ATP1A4: variants seen among roughly 807,000 people sequenced by gnomAD.
ATP1A4 encodes ATPase Na+/K+ transporting subunit alpha 4.
In ATP1A4, 90 loss-of-function variants were observed where a neutral mutation model predicts 114.3. The ratio of observed to expected loss-of-function variants is 0.79; its 90% CI spans 0.66 to 0.94. The LOEUF (loss-of-function observed/expected upper bound fraction) is 0.94. Ranked by LOEUF, ATP1A4 falls within the 40% of genes least tolerant of loss-of-function variation. ATP1A4 has a pLI of 0.00. For missense variants in ATP1A4, 1,222 were observed against 1,313.6 expected (o/e 0.93, Z 1.08); for synonymous variants, 511 against 494.1 (o/e 1.03, Z -0.45).
intron 17 of ATP1A4, 98 bp downstream of exon 17, chr1:160,176,700 T>A (rs1653478673): frequency 6.6e-7 from 1 of 1,520,638 alleles, no homozygotes; most frequent in Non-Finnish European, 8.9e-7. Context: ...AGATATTTTC[T>A]CAGCAACAAA....
intron 3 of ATP1A4, 87 bp from the exon 4 acceptor site, chr1:160,155,958 A>T (rs1367102888): frequency 1.3e-6 from 1 of 797,840 alleles, no homozygotes; most frequent in East Asian, 2.5e-5. Flanking sequence ...ACCTGGTGAA[A>T]CTGCTGTGCC....
chr1:160,172,699 G>A (rs1558024098), intron 12 of ATP1A4, among the ~76,000 whole-genome samples: 1 of 152,110 alleles, frequency 6.6e-6, no homozygotes, highest in Non-Finnish European at 1.5e-5. Flanking sequence ...CTAGACTTGG[G>A]GGATTGGAGG....
At chr1:160,153,886 G>C (rs1652544333) in intron 2 of ATP1A4, among the ~76,000 whole-genome samples, 1 of 152,148 alleles carries the variant, frequency 6.6e-6, no homozygotes, top group Non-Finnish European at 1.5e-5. Context: ...AATTGACCTT[G>C]TGGACCCCCT....
At chr1:160,167,523 C>T in intron 10 of ATP1A4, 111 bp downstream of exon 10, 1 of 1,409,958 alleles carries the variant, frequency 7.1e-7, no homozygotes, top group South Asian at 1.3e-5. Flanking sequence ...CAGAGGAGCT[C>T]AGCAGAACCT....
At chr1:160,179,927 T>A (rs1653619696) in intron 18 of ATP1A4, among the ~76,000 whole-genome samples, 1 of 152,158 alleles carries the variant, frequency 6.6e-6, no homozygotes, top group Non-Finnish European at 1.5e-5. Flanking sequence ...GAGAGAAAGA[T>A]GCTTGAAATT....
At chr1:160,177,336 A>C in intron 17 of ATP1A4, 183 bp from the exon 18 acceptor site, 2 of 557,690 alleles carry the variant, frequency 3.6e-6, no homozygotes, top group Non-Finnish European at 6.2e-6. Flanking sequence ...GCTTGAAGGA[A>C]AGTCCCACAG....
chr1:160,179,403 T>TA (rs1354230394), intron 18 of ATP1A4, among the ~76,000 whole-genome samples: 1 of 152,186 alleles, frequency 6.6e-6, no homozygotes, highest in Non-Finnish European at 1.5e-5. Flanking sequence ...TAAAGGTAAT[T>TA]AAAAGTAATT....
At chr1:160,186,540 C>A in intron 21 of ATP1A4, 131 bp from the exon 22 acceptor site, 1 of 1,155,074 alleles carries the variant, frequency 8.7e-7, no homozygotes, top group Non-Finnish European at 1.3e-6. Context: ...CCCTCTGCTC[C>A]ATCTGACCCT....
intron 4 of ATP1A4, among the ~76,000 whole-genome samples, chr1:160,156,866 C>T (rs190682120): frequency 7.1e-4 from 108 of 152,190 alleles, no homozygotes; most frequent in African/African-American, 2.1e-3. Context: ...TAATCCCAAC[C>T]GTTTGGGGGA....
chr1:160,176,003 T>A lies in ATP1A4; in HGVS notation c.2312-89T>A, dbSNP rs192184332. The A allele has an allele frequency of 1.7e-5, 23 of 1,374,998 alleles. No individual in the cohort carries two copies. The African/African-American group carries it at 3.1e-4, about 19-fold the overall frequency. The allele number at this position is 1,374,998 out of a possible 1,614,324, so 85.2% of individuals were successfully genotyped here. A position where few individuals can be genotyped will look rare whatever the true frequency, so the allele number is the denominator to read the frequency against. ...AGACCCTTTCCTGGACTGTGACACT[T>A]CTTTGAGGTGGCCTGTCTGTCCCGG... On this transcript the variant is annotated intron_variant, in intron 15 of 21. Transcript: ENST00000368081.
intron 4 of ATP1A4, among the ~76,000 whole-genome samples, chr1:160,156,471 G>C: frequency 6.6e-6 from 1 of 151,734 alleles, no homozygotes; most frequent in East Asian, 1.9e-4. Context: ...GGGTGGGAGC[G>C]GGGTGCGGTG....
chr1:160,153,881 A>G (rs1428830689), intron 2 of ATP1A4, among the ~76,000 whole-genome samples: 1 of 152,102 alleles, frequency 6.6e-6, no homozygotes, highest in East Asian at 1.9e-4. Flanking sequence ...ATGAAAATTG[A>G]CCTTGTGGAC....
chr1:160,152,302 G>T, intron 1 of ATP1A4, 115 bp downstream of exon 1: 7 of 1,153,884 alleles, frequency 6.1e-6, no homozygotes, highest in Non-Finnish European at 7.1e-6. Context: ...TCTCTTCTCT[G>T]TTAGGCTTTG....
chr1:160,164,622 A>G (rs866853811), intron 7 of ATP1A4, among the ~76,000 whole-genome samples, 198 bp downstream of exon 7: 2 of 152,274 alleles, frequency 1.3e-5, no homozygotes, highest in African/African-American at 4.8e-5. Flanking sequence ...TCTTTCCTCA[A>G]TGAGAGAGGA....
At position 160,186,755 on chromosome 1, in the gene ATP1A4, G is replaced by A. The variant is rs1653909657; in HGVS notation, c.*56G>A. The stretch of plus-strand genomic sequence containing the variant: ...AGGGGTGTTGTGAGAGCTGGGATGG[G>A]GCCAGAGATTATAAGTTTGACACAA... On this transcript the variant is annotated 3_prime_UTR_variant, in exon 22 of 22. Transcript: ENST00000368081. The A allele has an allele frequency of 8.4e-6, 13 of 1,555,708 alleles. No homozygotes were observed. Among genetic ancestry groups the A allele is most frequent in the African/African-American group, 1.4e-5 (1 of 73,576 alleles).
At chr1:160,177,726 G>C (rs1653531675) in intron 18 of ATP1A4, 62 bp downstream of exon 18, 6 of 1,580,642 alleles carry the variant, frequency 3.8e-6, no homozygotes, top group Admixed American at 1.8e-5. Context: ...AGGGGAGAGT[G>C]AGTGCAGCAA....
In ATP1A4 at chr1:160,159,068, C is replaced by T. The variant is rs113237098; in HGVS notation, c.592C>T (p.Leu198=). 273 of 1,613,998 alleles carry T rather than the reference C, an allele frequency of 1.7e-4. No individual in the cohort carries two copies. The African/African-American group carries it at 3.3e-3, about 20-fold the overall frequency. Residue 198 remains leucine, a synonymous_variant, in exon 5 of 22, where the codon CTG becomes TTG. Transcript: ENST00000368081. The stretch of plus-strand genomic sequence containing the variant: ...TGTACAAGAGGTGGTGTTGGGAGAC[C>T]TGGTGGAAATCAAGGGTGGAGACCG... ...INVQEVVLGD[L]VEIKGGDRVP... is the part of the protein sequence containing the mutation.
chr1:160,182,068 G>T (rs760052935), intron 20 of ATP1A4, 37 bp downstream of exon 20: 1 of 1,529,498 alleles, frequency 6.5e-7, no homozygotes, highest in Admixed American at 1.7e-5. Flanking sequence ...GGGATGTGCA[G>T]GCACGGGGGA....
rs370909483 is a variant in ATP1A4, at chr1:160,164,440, G to A, written c.1047+16G>A. ...CACAGTCACTGTGAGTAGACAGGGT[G>A]GAAAATGGCCTCAGGGCAGACAAAC... On this transcript the variant is annotated intron_variant, in intron 7 of 21. Coordinates refer to ENST00000368081, the MANE Select transcript of ATP1A4 (RefSeq NM_144699.4). 251 of 1,612,962 alleles carry A rather than the reference G, an allele frequency of 1.6e-4. 1 individual carries two copies. The African/African-American group carries it at 2.7e-3, about 18-fold the overall frequency.
Sources: gnomAD v4.1 joint callset for allele counts (sites outside exome capture counted in the v4.1 genomes callset) on GRCh38, gnomAD v4.1.1 for gene constraint, MANE v1.5 for transcripts, NCBI Gene and HGNC (gene_info 2026-07-23, HGNC 2026-07-21) for gene names.